The following ZMYND8 variants were observed in gnomAD, a reference collection of about 807,000 sequenced individuals.
ZMYND8 encodes zinc finger MYND-type containing 8, also known as MYND-type zinc finger-containing chromatin reader ZMYND8.
In ZMYND8, 37 loss-of-function variants were observed where a neutral mutation model predicts 140.8. The observed-to-expected ratio is 0.26, with a 90% CI of 0.20 to 0.35. ZMYND8 has a LOEUF of 0.35. Ranked by LOEUF, ZMYND8 falls within the 10% of genes least tolerant of loss-of-function variation. The probability of loss-of-function intolerance (pLI) is 1.00; values close to 1 mark genes in which losing one functional copy is unlikely to be tolerated. For missense variants in ZMYND8, 1,068 were observed against 1,570.0 expected, an observed-to-expected ratio of 0.68 and a Z score of 5.40; for synonymous variants, 592 against 597.1, an observed-to-expected ratio of 0.99 and a Z score of 0.12.
chr20:47,262,002 C>T (rs1002719179), intron 12 of ZMYND8, among the ~76,000 whole-genome samples: 3 of 151,528 alleles, frequency 2.0e-5, no homozygotes, highest in African/African-American at 4.9e-5. Context: ...ACCCAGGAGG[C>T]GGAGGTTGCA....
At chr20:47,327,198 T>A (rs1393746044) in intron 2 of ZMYND8, among the ~76,000 whole-genome samples, 1 of 151,914 alleles carries the variant, frequency 6.6e-6, no homozygotes, top group Non-Finnish European at 1.5e-5. Context: ...GTATTTTTAG[T>A]AGAGATGGGG....
intron 2 of ZMYND8, among the ~76,000 whole-genome samples, chr20:47,316,510 C>T (rs558605277): frequency 3.3e-5 from 5 of 151,610 alleles, no homozygotes; most frequent in African/African-American, 7.3e-5. Context: ...CTAAGAGTTT[C>T]GGCCAGGTGT....
intron 22 of ZMYND8, 28 bp downstream of exon 22, chr20:47,212,614 A>T: frequency 6.2e-7 from 1 of 1,612,498 alleles, no homozygotes; most frequent in Non-Finnish European, 8.5e-7. Context: ...AAGCCCCGGC[A>T]GCTTTCGTAA....
At chr20:47,299,449 T>C (rs772214368) in intron 3 of ZMYND8, among the ~76,000 whole-genome samples, 2 of 152,244 alleles carry the variant, frequency 1.3e-5, no homozygotes, top group Non-Finnish European at 2.9e-5. Context: ...GCCCAACTTA[T>C]GGAAGTCCCA....
rs112830480 is a variant in ZMYND8, at chr20:47,210,446, CT to C, written c.*314del. ...TTTTTTTTAAATCGTTTTTCTTTTTCTTTTTTTTTTTTTAATAAGTTAAAGT... is the reference window on the plus strand; with the variant it reads ...TTTTTTTTAAATCGTTTTTCTTTTTCTTTTTTTTTTTTAATAAGTTAAAGT... On this transcript the variant is annotated 3_prime_UTR_variant, in exon 23 of 23. Coordinates refer to ENST00000471951, the MANE Select transcript of ZMYND8 (RefSeq NM_001281775.3). The C allele has an allele frequency of 5.5e-3, 503 of 92,052 alleles. 3 individuals carry two copies. Among genetic ancestry groups the C allele is most frequent in the South Asian group, 0.03 (89 of 2,956 alleles). The allele number at this position is 92,052 out of a possible 1,614,324, so 5.7% of individuals were successfully genotyped here. A position where few individuals can be genotyped will look rare whatever the true frequency, so the allele number is the denominator to read the frequency against.
At chr20:47,329,937 A>C (rs2080791362) in intron 2 of ZMYND8, among the ~76,000 whole-genome samples, 1 of 152,154 alleles carries the variant, frequency 6.6e-6, no homozygotes, top group African/African-American at 2.4e-5. Context: ...TAGCCTGGCA[A>C]TTGTTAACTC....
rs149309951 is a variant in ZMYND8 at position 47,274,931 on chromosome 20, T to C, written c.1480+1383A>G. ...TCATTATTTTAACTCTTGGGGACAT[T>C]CATGGTATCCTGAAGAACTGATGCT... On this transcript the variant is annotated intron_variant, in intron 11 of 22. Transcript: ENST00000471951. Among the ~76,000 whole-genome samples, 5 of 152,318 alleles carry C rather than the reference T, an allele frequency of 3.3e-5. No homozygotes were observed. In the East Asian group the frequency reaches 7.7e-4, roughly 23 times the overall value.
rs768225883 is a variant in ZMYND8, at chr20:47,310,128, C to T, written c.162G>A (p.Pro54=). Residue 54 remains proline (P), a synonymous_variant, in exon 3 of 23, where the codon CCG becomes CCA. Coordinates refer to ENST00000471951, the MANE Select transcript of ZMYND8 (RefSeq NM_001281775.3). ...SPPHSSNGHS[P]QDTSTSPIKK... ...TAATGGGGCTTGTTGATGTGTCCTG[C>T]GGCGAGTGGCCATTGGAAGAATGTG... is the stretch of plus-strand genomic sequence containing the variant. 16 of 1,613,768 alleles carry T rather than the reference C, an allele frequency of 9.9e-6. No homozygotes were observed. Among genetic ancestry groups the T allele is most frequent in the African/African-American group, 8.0e-5 (6 of 74,822 alleles).
At chr20:47,235,943 A>G (rs957272881) in intron 16 of ZMYND8, among the ~76,000 whole-genome samples, 3 of 152,204 alleles carry the variant, frequency 2.0e-5, no homozygotes, top group Non-Finnish European at 4.4e-5. Context: ...CTCATGTTTA[A>G]GTCTCTGTCA....
intron 2 of ZMYND8, among the ~76,000 whole-genome samples, chr20:47,328,678 G>A (rs2080673032): frequency 2.0e-5 from 3 of 152,088 alleles, no homozygotes; most frequent in South Asian, 4.1e-4. Flanking sequence ...TGGCCAGGCT[G>A]GTCTTGAACT....
intron 2 of ZMYND8, among the ~76,000 whole-genome samples, chr20:47,314,638 C>T (rs1208881872): frequency 6.6e-6 from 1 of 152,208 alleles, no homozygotes; most frequent in African/African-American, 2.4e-5. Context: ...GTTTGAGGAA[C>T]GCTAGGGTAT....
chr20:47,282,569 A>G (rs1230836656), intron 9 of ZMYND8, among the ~76,000 whole-genome samples: 6 of 152,092 alleles, frequency 3.9e-5, no homozygotes, highest in Admixed American at 3.3e-4. Flanking sequence ...TACTAAAAAC[A>G]GAAACATTAA....
At chr20:47,303,855 G>A (rs2078271144) in intron 3 of ZMYND8, among the ~76,000 whole-genome samples, 1 of 152,184 alleles carries the variant, frequency 6.6e-6, no homozygotes, top group Admixed American at 6.5e-5. Context: ...GGCTGGGGCT[G>A]GCTGCCCCTA....
At chr20:47,305,920 C>G (rs2078445203) in intron 3 of ZMYND8, among the ~76,000 whole-genome samples, 1 of 152,170 alleles carries the variant, frequency 6.6e-6, no homozygotes, top group Non-Finnish European at 1.5e-5. Flanking sequence ...GCCCCATATA[C>G]TACAGGACAT....
intron 1 of ZMYND8, among the ~76,000 whole-genome samples, chr20:47,351,289 A>G (rs1457797283): frequency 1.3e-5 from 2 of 152,206 alleles, no homozygotes; most frequent in African/African-American, 2.4e-5. Flanking sequence ...CTTCCAAGAG[A>G]GAGAAAAAAG....
At position 47,262,631 on chromosome 20, in the gene ZMYND8, G is replaced by A. The variant is rs534407380; in HGVS notation, c.1481-203C>T. On this transcript the variant is annotated intron_variant, in intron 11 of 22. Transcript: ENST00000471951. ...AAGGGCTTTAACCGGATGTGAAACC[G>A]TTAAAGCCACAAATGAAGAAGGTCT... Among the ~76,000 whole-genome samples the A allele has an allele frequency of 1.0e-3, 157 of 152,288 alleles. 3 individuals carry two copies. In the South Asian group the frequency reaches 0.031, roughly 30 times the overall value.
chr20:47,210,412 CTTTTTTTTT>C lies in ZMYND8; in HGVS notation c.*340_*348del, dbSNP rs770865032. On this transcript the variant is annotated 3_prime_UTR_variant, in exon 23 of 23. Transcript: ENST00000471951. The stretch of plus-strand genomic sequence containing the variant: ...TCTTTTTTGTTGTTGGGGTTGGTTG[CTTTTTTTTT>C]TTTTTTTAAATCGTTTTTCTTTTTC... 119 of 102,478 alleles carry C rather than the reference CTTTTTTTTT, an allele frequency of 1.2e-3. No individual in the cohort carries two copies. The highest frequency in any genetic ancestry group is 1.8e-3 in the Non-Finnish European group (89 of 50,606). The allele number at this position is 102,478 out of a possible 1,614,324, so 6.3% of individuals were successfully genotyped here.
chr20:47,238,762 C>T lies in ZMYND8; in HGVS notation c.2661G>A (p.Val887=), dbSNP rs1362907975. ...ACAGAAGGGGAGGCTCGGTACCTTTCACAGCCTGTCTGGTCTGATATCTCG... is the reference window on the plus strand; with the variant it reads ...ACAGAAGGGGAGGCTCGGTACCTTTTACAGCCTGTCTGGTCTGATATCTCG... ...QGTRYQTRQA[V]KAVQQKEITQ... The change falls in exon 15 of 23, where the codon GTG becomes GTA. Residue 887 remains valine, a synonymous_variant. Coordinates refer to ENST00000471951, the MANE Select transcript of ZMYND8 (RefSeq NM_001281775.3). 6.2e-7 allele frequency: 1 copy of T among 1,610,648 alleles called. No homozygotes were observed. Among genetic ancestry groups the T allele is most frequent in the Non-Finnish European group, 8.5e-7 (1 of 1,179,048 alleles).
intron 3 of ZMYND8, among the ~76,000 whole-genome samples, chr20:47,299,578 C>CTTTTT (rs1218838484): frequency 1.3e-5 from 2 of 150,894 alleles, no homozygotes; most frequent in Middle Eastern, 3.4e-3. Context: ...TTTTTTTTTT[C>CTTTTT]TTTTTCTTTT....
Sources: allele counts gnomAD v4.1 joint callset (sites outside exome capture counted in the v4.1 genomes callset), GRCh38; gene constraint gnomAD v4.1.1; transcripts MANE v1.5; gene names NCBI Gene and HGNC (gene_info 2026-07-23, HGNC 2026-07-21).